Variants in FHIT observed in about 807,000 individuals in gnomAD.
FHIT encodes the protein fragile histidine triad diadenosine triphosphatase.
Under a neutral mutation model 17.9 loss-of-function variants are expected in FHIT, and 19 were observed. The observed-to-expected ratio is 1.06, with a 90% CI of 0.74 to 1.56. FHIT has a LOEUF of 1.56. Among genes scored for constraint, FHIT ranks in the 40% most tolerant of loss-of-function variants. The pLI is 0.00. For missense variants in FHIT, 248 were observed against 189.2 expected, an observed-to-expected ratio of 1.31 and a Z score of -1.82; for synonymous variants, 81 against 69.7, an observed-to-expected ratio of 1.16 and a Z score of -0.81.
intron 5 of FHIT, among the ~76,000 whole-genome samples, chr3:60,404,014 A>C (rs1457413680): frequency 6.6e-6 from 1 of 152,180 alleles, no homozygotes; most frequent in Non-Finnish European, 1.5e-5. Flanking sequence ...TAGGAAATTG[A>C]AAGTACATCT....
At chr3:60,292,182 C>A (rs1000995234) in intron 5 of FHIT, among the ~76,000 whole-genome samples, 1 of 152,100 alleles carries the variant, frequency 6.6e-6, no homozygotes, top group Non-Finnish European at 1.5e-5. Flanking sequence ...AATGAGAACA[C>A]CAGCTGCAAT....
intron 8 of FHIT, among the ~76,000 whole-genome samples, chr3:59,800,116 G>A (rs1699936147): frequency 6.6e-6 from 1 of 152,204 alleles, no homozygotes; most frequent in Non-Finnish European, 1.5e-5. Context: ...TTGCCAAGAA[G>A]TGTAACTGTG....
At chr3:60,275,840 G>A (rs1382837995) in intron 5 of FHIT, among the ~76,000 whole-genome samples, 1 of 152,102 alleles carries the variant, frequency 6.6e-6, no homozygotes, top group African/African-American at 2.4e-5. Flanking sequence ...ATAATGCCTT[G>A]CAATCTGTAG....
intron 2 of FHIT, among the ~76,000 whole-genome samples, chr3:61,065,268 AACACACAC>A (rs57357848): frequency 6.7e-6 from 1 of 148,338 alleles, no homozygotes. Flanking sequence ...AGTCATTTTC[AACACACAC>A]ACACACACAC....
intron 2 of FHIT, among the ~76,000 whole-genome samples, chr3:61,158,196 T>A (rs1273950859): frequency 1.3e-5 from 2 of 152,236 alleles, no homozygotes; most frequent in African/African-American, 4.8e-5. Context: ...GTGCCAGTTG[T>A]GTTTATACAG....
chr3:60,213,222 T>C (rs547508972), intron 5 of FHIT, among the ~76,000 whole-genome samples: 2 of 152,290 alleles, frequency 1.3e-5, no homozygotes, highest in East Asian at 3.9e-4. Flanking sequence ...CACATACCCT[T>C]TCTTGCTCTC....
At chr3:61,248,155 G>T (rs967462878) in intron 1 of FHIT, among the ~76,000 whole-genome samples, 16 of 152,208 alleles carry the variant, frequency 1.1e-4, no homozygotes, top group African/African-American at 3.9e-4. Flanking sequence ...TTTCAAAGCT[G>T]CACTTCTGCA....
intron 5 of FHIT, among the ~76,000 whole-genome samples, chr3:60,357,817 C>T (rs969197934): frequency 1.4e-4 from 11 of 77,252 alleles, no homozygotes; most frequent in African/African-American, 3.5e-4. Flanking sequence ...ATCACATGGC[C>T]ATCATAGTCT....
chr3:60,132,231 T>C (rs1016379278), intron 5 of FHIT, among the ~76,000 whole-genome samples: 2 of 152,148 alleles, frequency 1.3e-5, no homozygotes, highest in African/African-American at 2.4e-5. Context: ...GTGTTATCCA[T>C]CTCCACGTGT....
intron 3 of FHIT, among the ~76,000 whole-genome samples, chr3:60,976,951 G>A (rs1710281597): frequency 6.6e-6 from 1 of 151,706 alleles, no homozygotes; most frequent in Admixed American, 6.6e-5. Context: ...AACTCCTGCT[G>A]AAGAATTTAC....
intron 2 of FHIT, among the ~76,000 whole-genome samples, chr3:61,114,484 CTCTT>C (rs2036244486): frequency 6.6e-6 from 1 of 152,132 alleles, no homozygotes; most frequent in Non-Finnish European, 1.5e-5. Flanking sequence ...TAACCTCAAC[CTCTT>C]TCTTCATGCA....
At chr3:60,501,773 T>C (rs906263353) in intron 5 of FHIT, among the ~76,000 whole-genome samples, 5 of 152,370 alleles carry the variant, frequency 3.3e-5, no homozygotes, top group African/African-American at 1.2e-4. Flanking sequence ...AACCACTACT[T>C]TCCTCTATTG....
chr3:60,349,561 A>T (rs78026242), intron 5 of FHIT, among the ~76,000 whole-genome samples: 1 of 152,204 alleles, frequency 6.6e-6, no homozygotes, highest in Non-Finnish European at 1.5e-5. Flanking sequence ...AACATATTCC[A>T]AAAGATTCAT....
intron 2 of FHIT, among the ~76,000 whole-genome samples, chr3:61,061,439 T>G (rs1407502652): frequency 6.6e-6 from 1 of 152,108 alleles, no homozygotes; most frequent in Non-Finnish European, 1.5e-5. Flanking sequence ...TCTTCACCTT[T>G]CATAAATTGC....
At chr3:60,082,531 G>A (rs532499021) in intron 5 of FHIT, among the ~76,000 whole-genome samples, 2 of 152,166 alleles carry the variant, frequency 1.3e-5, no homozygotes, top group South Asian at 4.1e-4. Context: ...TCTGTTTTAA[G>A]TTCACTGAAA....
At chr3:60,123,633 T>C (rs949170711) in intron 5 of FHIT, among the ~76,000 whole-genome samples, 2 of 152,076 alleles carry the variant, frequency 1.3e-5, no homozygotes, top group African/African-American at 2.4e-5. Flanking sequence ...GAATTGATTT[T>C]CAAATGATGA....
chr3:60,126,387 G>A (rs1441371369), intron 5 of FHIT, among the ~76,000 whole-genome samples: 1 of 152,086 alleles, frequency 6.6e-6, no homozygotes, highest in Non-Finnish European at 1.5e-5. Context: ...TCTTCCAGTT[G>A]GAAGTCTGAT....
chr3:60,091,679 C>T (rs972604658), intron 5 of FHIT, among the ~76,000 whole-genome samples: 1 of 152,062 alleles, frequency 6.6e-6, no homozygotes, highest in Non-Finnish European at 1.5e-5. Flanking sequence ...GGTTTCGCAC[C>T]ATCCCCTTGG....
chr3:61,036,338 CT>C (rs2033238055), intron 3 of FHIT, among the ~76,000 whole-genome samples: 1 of 151,982 alleles, frequency 6.6e-6, no homozygotes, highest in African/African-American at 2.4e-5. Context: ...TAATCACCCC[CT>C]ACCAGGCCCC....
Sources: allele counts gnomAD v4.1 joint callset (sites outside exome capture counted in the v4.1 genomes callset), GRCh38; gene constraint gnomAD v4.1.1; transcripts MANE v1.5; gene names NCBI Gene and HGNC (gene_info 2026-07-23, HGNC 2026-07-21).